Variants in JMJD1C observed in about 807,000 individuals in gnomAD.
The protein encoded by JMJD1C is jumonji domain-containing protein 1C.
A neutral mutation model predicts 245.3 loss-of-function variants in JMJD1C; 31 were observed. The observed-to-expected ratio is 0.13, with a 90% CI of 0.09 to 0.17. JMJD1C has a LOEUF of 0.17. JMJD1C is among the 10% of genes least tolerant of loss of function. The pLI is 1.00. For synonymous variants in JMJD1C, 1,057 were observed against 1,017.4 expected (o/e 1.04, Z -0.74); for missense variants, 2,691 against 3,000.2 (o/e 0.90, Z 2.41).
chr10:63,247,912 G>C (rs1431827527), intron 3 of JMJD1C, among the ~76,000 whole-genome samples: 2 of 151,942 alleles, frequency 1.3e-5, no homozygotes, highest in African/African-American at 2.4e-5. Flanking sequence ...CTTGAGGCCA[G>C]TATTACCCAG....
chr10:63,178,057 C>T (rs1378673877), intron 22 of JMJD1C, among the ~76,000 whole-genome samples: 1 of 152,168 alleles, frequency 6.6e-6, no homozygotes, highest in African/African-American at 2.4e-5. Context: ...TCTCTTGCCT[C>T]AGCCTCTCAA....
At chr10:63,250,736 T>C (rs1852939463) in intron 3 of JMJD1C, among the ~76,000 whole-genome samples, 1 of 152,044 alleles carries the variant, frequency 6.6e-6, no homozygotes, top group Non-Finnish European at 1.5e-5. Context: ...GTATGGTATT[T>C]TTGCTTTTAT....
At chr10:63,390,802 A>G (rs1028440782) in intron 1 of JMJD1C, among the ~76,000 whole-genome samples, 46 of 152,178 alleles carry the variant, frequency 3.0e-4, no homozygotes, top group African/African-American at 1.1e-3. Context: ...ACATCCCTTC[A>G]TAATAAAAAC....
In JMJD1C at chr10:63,238,241, T is replaced by C. The variant is rs200441117; in HGVS notation, c.448-18258A>G. ...TAACTAAAATTCCAATGTATCATAA[T>C]AGAAAAGCACATTAGCCACCTAGAA... On this transcript the variant is annotated intron_variant, in intron 3 of 25. Transcript: ENST00000399262. Among the ~76,000 whole-genome samples, 247 of 150,028 alleles carry C rather than the reference T, an allele frequency of 1.6e-3. 3 individuals are homozygous for C. In the South Asian group the frequency reaches 0.029, roughly 18 times the overall value.
In JMJD1C at chr10:63,414,163, T is replaced by C. The variant is rs145954592; in HGVS notation, c.169-33681A>G. Reference sequence around the variant, plus strand: ...CAACACGCCCAGCTAATTTTTTGTATTTTTAGTACAGACAGGGTTTTACTG... The same window carrying C: ...CAACACGCCCAGCTAATTTTTTGTACTTTTAGTACAGACAGGGTTTTACTG... On this transcript the variant is annotated intron_variant, in intron 1 of 25. Transcript: ENST00000399262. Among the ~76,000 whole-genome samples, 233 of 152,028 alleles carry C rather than the reference T, an allele frequency of 1.5e-3. 1 individual carries two copies. The highest frequency in any genetic ancestry group is 2.6e-3 in the Non-Finnish European group (176 of 67,978).
Position 63,521,660 on chromosome 10 carries a change from A to AGGCCTG in JMJD1C, n.113+72_113+77dup, listed in dbSNP as rs1955249380. On this transcript the variant is annotated intron_variant and non_coding_transcript_variant, in intron 1 of 3. Transcript: ENST00000633035. Reference sequence around the variant, plus strand: ...GGGGAAGGAGCCGAGAGGAAAGGGAAGGCCTGGGCCTGGGCGGGGACGGGG... The same window carrying AGGCCTG: ...GGGGAAGGAGCCGAGAGGAAAGGGAAGGCCTGGGCCTGGGCCTGGGCGGGGACGGGG... 6 of 1,082,320 alleles carry AGGCCTG rather than the reference A, an allele frequency of 5.5e-6. No individual in the cohort carries two copies. The East Asian group carries it at 1.0e-4, about 19-fold the overall frequency. 67.0% of individuals were successfully genotyped at this position (1,082,320 alleles called of 1,614,324 possible).
intron 1 of JMJD1C, among the ~76,000 whole-genome samples, chr10:63,478,951 T>G (rs1255874953): frequency 1.3e-5 from 2 of 152,126 alleles, no homozygotes; most frequent in Non-Finnish European, 2.9e-5. Context: ...TCCAACAGAA[T>G]GAGACCCTGT....
At chr10:63,312,195 C>T (rs574360891) in intron 2 of JMJD1C, among the ~76,000 whole-genome samples, 10 of 151,662 alleles carry the variant, frequency 6.6e-5, no homozygotes, top group Admixed American at 5.3e-4. Context: ...ACAACCTCCG[C>T]CTCCCAGGTT....
chr10:63,467,613 A>AT (rs1953350812), upstream of JMJD1C, among the ~76,000 whole-genome samples: 1 of 152,264 alleles, frequency 6.6e-6, no homozygotes, highest in Non-Finnish European at 1.5e-5. Flanking sequence ...TGCTTGGGCA[A>AT]TTTTATTTCC....
At chr10:63,316,451 T>A (rs1940074812) in intron 2 of JMJD1C, among the ~76,000 whole-genome samples, 1 of 152,194 alleles carries the variant, frequency 6.6e-6, no homozygotes, top group African/African-American at 2.4e-5. Flanking sequence ...ATTCTGTATA[T>A]AATATTCATA....
intron 24 of JMJD1C, 28 bp from the exon 25 acceptor site, chr10:63,168,594 A>C (rs747701384): frequency 1.3e-6 from 2 of 1,547,420 alleles, no homozygotes; most frequent in Admixed American, 2.1e-5. Flanking sequence ...ACCGTGAAAT[A>C]CAAGTTTTAG....
intron 1 of JMJD1C, among the ~76,000 whole-genome samples, chr10:63,500,491 TG>T (rs201197951): frequency 0.019 from 2,858 of 151,446 alleles, 101 homozygotes; most frequent in African/African-American, 0.065. Flanking sequence ...CCTAGCACTT[TG>T]GGAGGCCAAG....
At chr10:63,348,250 A>C (rs968820575) in intron 2 of JMJD1C, among the ~76,000 whole-genome samples, 3 of 152,092 alleles carry the variant, frequency 2.0e-5, no homozygotes, top group Non-Finnish European at 2.9e-5. Flanking sequence ...AAGACATCAA[A>C]AAGTCCTGGC....
At chr10:63,429,818 A>G (rs1329512374) in intron 1 of JMJD1C, among the ~76,000 whole-genome samples, 2 of 152,192 alleles carry the variant, frequency 1.3e-5, no homozygotes. Flanking sequence ...CTCTAACTGA[A>G]TGCTCCAACA....
rs142986305 is a variant in JMJD1C at position 63,357,614 on chromosome 10, C to T, written c.333+22704G>A. ...AGCCACCAAGCCCGGCATAAATGTG[C>T]TTTAAAAGAGTATCAAAAGATATTT... On this transcript the variant is annotated intron_variant, in intron 2 of 25. Transcript: ENST00000399262. 2.1e-3 allele frequency among the ~76,000 whole-genome samples: 324 copies of T among 152,112 alleles called. 4 individuals are homozygous for T. In the South Asian group the frequency reaches 0.029, roughly 14 times the overall value.
intron 1 of JMJD1C, among the ~76,000 whole-genome samples, chr10:63,474,381 T>C (rs1221777969): frequency 2.0e-5 from 3 of 152,200 alleles, no homozygotes. Context: ...ATGAGAGAGA[T>C]ACATACTTGA....
chr10:63,302,124 C>G (rs1860166764), intron 2 of JMJD1C, among the ~76,000 whole-genome samples: 1 of 152,118 alleles, frequency 6.6e-6, no homozygotes. Flanking sequence ...TCAAACAATT[C>G]CTCCCACCTA....
chr10:63,379,331 T>C (rs1217294123), intron 2 of JMJD1C, among the ~76,000 whole-genome samples: 1 of 152,170 alleles, frequency 6.6e-6, no homozygotes, highest in Non-Finnish European at 1.5e-5. Flanking sequence ...TTACAAATAT[T>C]GCAAATTTGT....
At chr10:63,278,819 A>G (rs1564726277) in intron 2 of JMJD1C, among the ~76,000 whole-genome samples, 1 of 147,150 alleles carries the variant, frequency 6.8e-6, no homozygotes, top group South Asian at 2.1e-4. Flanking sequence ...AGCCTGGACA[A>G]CAAGAGCAAA....
Sources: allele counts gnomAD v4.1 joint callset (sites outside exome capture counted in the v4.1 genomes callset), GRCh38; gene constraint gnomAD v4.1.1; transcripts MANE v1.5; gene names NCBI Gene and HGNC (gene_info 2026-07-23, HGNC 2026-07-21).